Variants in KIAA1217 observed in about 807,000 individuals in gnomAD.
KIAA1217 encodes KIAA1217.
In KIAA1217, 88 loss-of-function variants were observed where a neutral mutation model predicts 163.9. The observed-to-expected ratio is 0.54, with a 90% confidence interval of 0.45 to 0.64. KIAA1217 has a LOEUF of 0.64. Ranked by LOEUF, KIAA1217 falls within the 30% of genes least tolerant of loss-of-function variation. The probability of loss-of-function intolerance (pLI) is 0.00; values close to 1 mark genes in which losing one functional copy is unlikely to be tolerated. For missense variants in KIAA1217, 2,372 were observed against 2,475.0 expected (o/e 0.96, Z 0.88); for synonymous variants, 903 against 923.1 (o/e 0.98, Z 0.39).
chr10:24,026,742 A>ATTTTTTTTTTTTTTTTTTTTTTTTT, intron 2 of KIAA1217, among the ~76,000 whole-genome samples: 5 of 70,092 alleles, frequency 7.1e-5, no homozygotes, highest in Non-Finnish European at 8.2e-5. Context: ...TATTTCATTG[A>ATTTTTTTTTTTTTTTTTTTTTTTTT]TTTTTTTTTT....
intron 8 of KIAA1217, among the ~76,000 whole-genome samples, chr10:24,496,036 C>T (rs925992017): frequency 2.6e-5 from 4 of 152,220 alleles, no homozygotes; most frequent in African/African-American, 9.6e-5. Flanking sequence ...AAATAGAAAT[C>T]CTTAGCAGGA....
chr10:24,280,883 A>G (rs546046939), intron 2 of KIAA1217, among the ~76,000 whole-genome samples: 1 of 152,308 alleles, frequency 6.6e-6, no homozygotes, highest in South Asian at 2.1e-4. Context: ...ACCTAAGAAT[A>G]TAAAATTATC....
At chr10:23,874,261 T>C (rs1339786477) in intron 1 of KIAA1217, among the ~76,000 whole-genome samples, 4 of 152,058 alleles carry the variant, frequency 2.6e-5, no homozygotes, top group Admixed American at 6.6e-5. Context: ...TGCTCACCTC[T>C]TGAATACCAT....
At chr10:24,277,287 C>CAA (rs1280713860) in intron 2 of KIAA1217, among the ~76,000 whole-genome samples, 2 of 152,172 alleles carry the variant, frequency 1.3e-5, no homozygotes, top group African/African-American at 4.8e-5. Flanking sequence ...TCCAACTTTT[C>CAA]AGATGTTTCT....
chr10:23,961,151 C>T (rs4466724), intron 1 of KIAA1217, among the ~76,000 whole-genome samples: 90,548 of 151,792 alleles, frequency 0.6, 29,939 homozygotes, highest in African/African-American at 0.89. Context: ...CCATGAAATA[C>T]CATGTTAATG....
intron 1 of KIAA1217, among the ~76,000 whole-genome samples, chr10:24,006,900 C>T (rs1302976868): frequency 2.0e-5 from 3 of 152,248 alleles, no homozygotes; most frequent in South Asian, 2.1e-4. Flanking sequence ...CTCAATTGGC[C>T]TCTCTTCATT....
intron 1 of KIAA1217, among the ~76,000 whole-genome samples, chr10:23,945,214 A>G (rs1843967439): frequency 6.6e-6 from 1 of 152,138 alleles, no homozygotes; most frequent in African/African-American, 2.4e-5. Flanking sequence ...CACAATATCA[A>G]AGTGGAAATA....
rs1243257617 is a variant in KIAA1217 at position 24,513,303 on chromosome 10, G to A, written c.2046G>A (p.Glu682=). The A allele has an allele frequency of 1.2e-5, 19 of 1,614,090 alleles. No individual in the cohort carries two copies. The highest frequency in any genetic ancestry group is 4.5e-5 in the East Asian group (2 of 44,898). The change falls in exon 10 of 21, where the codon GAG becomes GAA. Residue 682 remains glutamate, a synonymous_variant. Coordinates refer to ENST00000376454, the MANE Select transcript of KIAA1217 (RefSeq NM_019590.5). ...ELLRAMMKKA[E]LEISGKVMET... is the part of the protein sequence containing the mutation. ...TGAGGGCAATGATGAAGAAGGCCGA[G>A]CTGGAAATCAGTGGCAAAGTGATGG... is the stretch of plus-strand genomic sequence containing the variant.
At chr10:24,393,017 T>G (rs1326668378) in intron 3 of KIAA1217, among the ~76,000 whole-genome samples, 1 of 152,188 alleles carries the variant, frequency 6.6e-6, no homozygotes, top group East Asian at 1.9e-4. Context: ...TTAGGTTTAT[T>G]TAACTCGATA....
chr10:23,707,746 A>T (rs1189163081), intron 1 of KIAA1217, among the ~76,000 whole-genome samples: 1 of 152,196 alleles, frequency 6.6e-6, no homozygotes, highest in Non-Finnish European at 1.5e-5. Context: ...AAATTTTTTT[A>T]AAGGCAAAAA....
Position 24,543,757 on chromosome 10 carries a change from A to G in KIAA1217, c.4487A>G (p.Asn1496Ser). The change falls in exon 19 of 21, where the codon AAT becomes AGT. Residue 1496 changes from asparagine to serine, a missense_variant. Coordinates refer to ENST00000376454, the MANE Select transcript of KIAA1217 (RefSeq NM_019590.5). The stretch of plus-strand genomic sequence containing the variant: ...AATGGGGATTCTGTAGTCCAGAATA[A>G]TAACACTTCCCAGATGTCTCATAAG... ...EENGDSVVQN[N>S]NTSQMSHKKV... 1 of 1,613,626 alleles carries G rather than the reference A, an allele frequency of 6.2e-7. No individual in the cohort carries two copies. The highest frequency in any genetic ancestry group is 1.1e-5 in the South Asian group (1 of 91,018).
chr10:24,161,277 T>C (rs1383324862), intron 2 of KIAA1217, among the ~76,000 whole-genome samples: 1 of 152,218 alleles, frequency 6.6e-6, no homozygotes. Context: ...TCTAAGACCA[T>C]CCACATTTCA....
At chr10:24,493,597 G>A (rs957104219) in intron 6 of KIAA1217, among the ~76,000 whole-genome samples, 3 of 152,096 alleles carry the variant, frequency 2.0e-5, no homozygotes, top group Non-Finnish European at 4.4e-5. Context: ...AAAGAGCCCT[G>A]GAGAGAGAGG....
chr10:24,185,617 A>G (rs775269318), intron 2 of KIAA1217, among the ~76,000 whole-genome samples: 7 of 152,106 alleles, frequency 4.6e-5, no homozygotes, highest in Non-Finnish European at 1.0e-4. Context: ...CAACATGGTG[A>G]AGACCCATCT....
chr10:23,934,594 TATATATATATATGTATATATATA>T (rs1843427772), intron 1 of KIAA1217, among the ~76,000 whole-genome samples: 2 of 85,196 alleles, frequency 2.3e-5, no homozygotes, highest in Non-Finnish European at 3.9e-5. Context: ...TATATATGTA[TATATATATATATGTATATATATA>T]TATATATATT....
intron 3 of KIAA1217, among the ~76,000 whole-genome samples, chr10:24,431,839 CT>C (rs2059626601): frequency 6.6e-6 from 1 of 152,148 alleles, no homozygotes; most frequent in South Asian, 2.1e-4. Context: ...CACATACCCC[CT>C]GGGAACTCTG....
At chr10:24,435,613 T>C (rs1486080654) in intron 4 of KIAA1217, among the ~76,000 whole-genome samples, 1 of 152,222 alleles carries the variant, frequency 6.6e-6, no homozygotes, top group African/African-American at 2.4e-5. Flanking sequence ...TATATTACAA[T>C]GAGTCACCAT....
intron 2 of KIAA1217, among the ~76,000 whole-genome samples, chr10:24,322,137 A>G (rs973476087): frequency 1.3e-5 from 2 of 152,076 alleles, no homozygotes; most frequent in African/African-American, 4.8e-5. Flanking sequence ...ATCATTTGGC[A>G]GAGATGGTGT....
chr10:24,234,456 G>C (rs1038769064), intron 2 of KIAA1217, among the ~76,000 whole-genome samples: 3 of 151,962 alleles, frequency 2.0e-5, no homozygotes, highest in Non-Finnish European at 4.4e-5. Context: ...CTGAGGTCAG[G>C]AGTTCGAGAC....
Sources: gnomAD v4.1 joint callset for allele counts (sites outside exome capture counted in the v4.1 genomes callset) on GRCh38, gnomAD v4.1.1 for gene constraint, MANE v1.5 for transcripts, NCBI Gene and HGNC (gene_info 2026-07-23, HGNC 2026-07-21) for gene names.